The following CFAP95 variants were observed in gnomAD, a reference collection of about 807,000 sequenced individuals.
CFAP95 encodes the protein cilia- and flagella-associated protein 95.
At chr9:69,851,643 C>T in the CFAP95 span, among the ~76,000 whole-genome samples, 2 of 152,016 alleles carry the variant, frequency 1.3e-5, no homozygotes, top group African/African-American at 4.8e-5. Flanking sequence ...GTGGTTTTGT[C>T]ATCTCAGAGT....
At chr9:69,852,202 G>A in the CFAP95 span, among the ~76,000 whole-genome samples, 2 of 151,642 alleles carry the variant, frequency 1.3e-5, no homozygotes, top group Admixed American at 6.6e-5. Context: ...AAAAGCTACA[G>A]TTGGTAGGGG....
chr9:69,843,250 T>G, the CFAP95 span, among the ~76,000 whole-genome samples: 1 of 152,182 alleles, frequency 6.6e-6, no homozygotes, highest in Non-Finnish European at 1.5e-5. Flanking sequence ...ATGATTGAAT[T>G]CTCGGGTACT....
At chr9:69,843,628 T>TTCC in the CFAP95 span, among the ~76,000 whole-genome samples, 4 of 57,558 alleles carry the variant, frequency 6.9e-5, no homozygotes, top group Admixed American at 1.8e-4. Context: ...CTTCTTCTTC[T>TTCC]TCCTCCTCCT....
chr9:69,876,539 G>GA, the CFAP95 span, among the ~76,000 whole-genome samples: 32 of 144,422 alleles, frequency 2.2e-4, no homozygotes, highest in South Asian at 3.8e-3. Context: ...TGTCTAAAAA[G>GA]AAAAAAAAAA....
At chr9:69,852,328 C>A in the CFAP95 span, among the ~76,000 whole-genome samples, 1 of 152,130 alleles carries the variant, frequency 6.6e-6, no homozygotes, top group Non-Finnish European at 1.5e-5. Flanking sequence ...CCCACTCATG[C>A]AGAACATGCA....
the CFAP95 span, among the ~76,000 whole-genome samples, chr9:69,847,360 T>A: frequency 4.6e-5 from 7 of 152,162 alleles, no homozygotes; most frequent in Non-Finnish European, 1.0e-4. Flanking sequence ...TGAGAACAAG[T>A]GAAGCTTAAT....
At chr9:69,831,138 G>C in the CFAP95 span, among the ~76,000 whole-genome samples, 1 of 151,822 alleles carries the variant, frequency 6.6e-6, no homozygotes, top group African/African-American at 2.4e-5. Flanking sequence ...TGTTTATTTG[G>C]TAAGCTACTA....
the CFAP95 span, among the ~76,000 whole-genome samples, chr9:69,900,905 G>A: frequency 6.6e-6 from 1 of 152,068 alleles, no homozygotes; most frequent in African/African-American, 2.4e-5. Context: ...AAGGGTACAT[G>A]TGCACAACGT....
the CFAP95 span, among the ~76,000 whole-genome samples, chr9:69,847,657 G>A: frequency 2.0e-5 from 3 of 152,120 alleles, no homozygotes; most frequent in African/African-American, 7.2e-5. Context: ...CCTATTTCCT[G>A]AATTATGTCC....
the CFAP95 span, among the ~76,000 whole-genome samples, chr9:69,850,014 G>C: frequency 6.6e-6 from 1 of 152,086 alleles, no homozygotes; most frequent in Non-Finnish European, 1.5e-5. Flanking sequence ...TTCACCCAAG[G>C]ATCCTCACAA....
chr9:69,840,270 A>C, the CFAP95 span, among the ~76,000 whole-genome samples: 1 of 152,216 alleles, frequency 6.6e-6, no homozygotes, highest in East Asian at 1.9e-4. Context: ...GGTAGCAAGG[A>C]GAATGAGGCT....
At chr9:69,821,741 CTT>C in the CFAP95 span, among the ~76,000 whole-genome samples, 12 of 146,112 alleles carry the variant, frequency 8.2e-5, no homozygotes, top group African/African-American at 7.6e-5. Flanking sequence ...GCTCTGTTTA[CTT>C]TTTTTTTTTT....
At chr9:69,900,879 T>TC in the CFAP95 span, among the ~76,000 whole-genome samples, 1 of 152,184 alleles carries the variant, frequency 6.6e-6, no homozygotes, top group African/African-American at 2.4e-5. Flanking sequence ...GTATTTTTTT[T>TC]TTATGCTTTA....
chr9:69,856,814 G>A, the CFAP95 span: 1 of 494,498 alleles, frequency 2.0e-6, no homozygotes, highest in Non-Finnish European at 3.6e-6. Context: ...CATGCTTTCT[G>A]CTCATGCTGT....
chr9:69,840,512 C>T, the CFAP95 span, among the ~76,000 whole-genome samples: 4 of 152,198 alleles, frequency 2.6e-5, no homozygotes, highest in East Asian at 3.9e-4. Context: ...TTATGATTCT[C>T]GGTTCATCTC....
the CFAP95 span, among the ~76,000 whole-genome samples, chr9:69,882,933 G>A: frequency 6.6e-6 from 1 of 152,108 alleles, no homozygotes; most frequent in Admixed American, 6.6e-5. Flanking sequence ...TCTTTGTCTG[G>A]TTTTGGAATC....
At chr9:69,837,834 A>G in the CFAP95 span, among the ~76,000 whole-genome samples, 1 of 152,174 alleles carries the variant, frequency 6.6e-6, no homozygotes, top group Non-Finnish European at 1.5e-5. Flanking sequence ...GGTAATGCCT[A>G]GGTTTTCTTC....
the CFAP95 span, among the ~76,000 whole-genome samples, chr9:69,877,098 T>C: frequency 6.6e-6 from 1 of 152,336 alleles, no homozygotes; most frequent in East Asian, 1.9e-4. Context: ...ATATAATGCA[T>C]ACATATATAC....
chr9:69,831,892 G>T, the CFAP95 span, among the ~76,000 whole-genome samples: 1 of 152,124 alleles, frequency 6.6e-6, no homozygotes, highest in African/African-American at 2.4e-5. Flanking sequence ...TAGTCCTGGA[G>T]GTGACCATAG....
Sources: gnomAD v4.1 joint callset for allele counts (sites outside exome capture counted in the v4.1 genomes callset) on GRCh38, gnomAD v4.1.1 for gene constraint, MANE v1.5 for transcripts, NCBI Gene and HGNC (gene_info 2026-07-23, HGNC 2026-07-21) for gene names.